SERINC5: variants seen among roughly 807,000 people sequenced by gnomAD.
The protein encoded by SERINC5 is chromosome 5 open reading frame 12.
Under a neutral mutation model 63.1 loss-of-function variants are expected in SERINC5, and 41 were observed. The observed-to-expected ratio is 0.65, with a 90% CI of 0.51 to 0.84. SERINC5 has a LOEUF of 0.84. Among genes scored for constraint, SERINC5 ranks in the 40% least tolerant of loss-of-function variants. The pLI, the probability that SERINC5 is intolerant of heterozygous loss-of-function variation, is 0.00. For missense variants in SERINC5, 523 were observed against 573.0 expected, an observed-to-expected ratio of 0.91 and a Z score of 0.89; for synonymous variants, 222 against 215.2, an observed-to-expected ratio of 1.03 and a Z score of -0.28.
At chr5:80,203,255 C>CATAT (rs753544120) in intron 1 of SERINC5, 91 of 328,638 alleles carry the variant, frequency 2.8e-4, no homozygotes, top group African/African-American at 1.3e-3. Flanking sequence ...AATATATATA[C>CATAT]ACATATATAT....
At chr5:80,137,751 G>A (rs193027738), downstream of SERINC5, among the ~76,000 whole-genome samples, 19 of 150,930 alleles carry the variant, frequency 1.3e-4, no homozygotes, top group Middle Eastern at 3.4e-3. Context: ...AGACCAACCC[G>A]TGCAACATAG....
intron 2 of SERINC5, among the ~76,000 whole-genome samples, 163 bp from the exon 3 acceptor site, chr5:80,178,227 C>T (rs1748170302): frequency 6.6e-6 from 1 of 152,146 alleles, no homozygotes; most frequent in Non-Finnish European, 1.5e-5. Flanking sequence ...TTCTAATTTT[C>T]TCTGAATCTT....
At position 80,211,003 on chromosome 5, in the gene SERINC5, G is replaced by A. The variant is rs58960287; in HGVS notation, c.28-7950C>T. ...ACCATCTGCCACAGGCATGGAAAGA[G>A]AGCATGGTGGCATCACACCACACTC... is the stretch of plus-strand genomic sequence containing the variant. On this transcript the variant is annotated intron_variant, in intron 1 of 11. Transcript: ENST00000507668. Among the ~76,000 whole-genome samples, 1,522 of 152,310 alleles carry A rather than the reference G, an allele frequency of 1.0e-2. 29 individuals carry two copies. Among genetic ancestry groups the A allele is most frequent in the African/African-American group, 0.034 (1,432 of 41,564 alleles).
At chr5:80,174,606 T>TA (rs569276706) in intron 5 of SERINC5, among the ~76,000 whole-genome samples, 82 of 151,646 alleles carry the variant, frequency 5.4e-4, no homozygotes, top group Middle Eastern at 3.4e-3. Flanking sequence ...AAGAGTCTGT[T>TA]AAAAAAACAC....
intron 1 of SERINC5, among the ~76,000 whole-genome samples, chr5:80,211,740 A>G (rs764349093): frequency 7.2e-5 from 11 of 152,192 alleles, no homozygotes; most frequent in Non-Finnish European, 1.5e-4. Flanking sequence ...GCATCACTCT[A>G]TTGCTGCATG....
rs1745456711 is a variant in SERINC5, at chr5:80,140,700, C to T, written c.*2963G>A. The T allele has an allele frequency of 1.4e-5, 14 of 985,134 alleles. No individual in the cohort carries two copies. The highest frequency in any genetic ancestry group is 1.7e-5 in the African/African-American group (1 of 57,148). 61.0% of individuals were successfully genotyped at this position (985,134 alleles called of 1,614,324 possible). Reference sequence around the variant, plus strand: ...TAGTCTCCAGTCAGGTAACATGCCGCGGTATGACACTCCCATAAGAACCCC... The same window carrying T: ...TAGTCTCCAGTCAGGTAACATGCCGTGGTATGACACTCCCATAAGAACCCC... On this transcript the variant is annotated 3_prime_UTR_variant, in exon 12 of 12. Coordinates refer to ENST00000507668, the MANE Select transcript of SERINC5 (RefSeq NM_001174072.3).
chr5:80,144,282 T>C (rs1017407131), intron 11 of SERINC5, among the ~76,000 whole-genome samples: 7 of 152,202 alleles, frequency 4.6e-5, no homozygotes, highest in African/African-American at 1.7e-4. Flanking sequence ...ATGTTTCCCC[T>C]TTTTGATTAT....
chr5:80,238,788 CAA>C (rs34850558), intron 1 of SERINC5, among the ~76,000 whole-genome samples: 45,380 of 98,038 alleles, frequency 0.46, 7,161 homozygotes, highest in Middle Eastern at 0.55. Context: ...GACTTCATCT[CAA>C]AAAAAAAAAA....
At chr5:80,171,731 C>CA (rs752198616) in intron 5 of SERINC5, among the ~76,000 whole-genome samples, 4 of 151,482 alleles carry the variant, frequency 2.6e-5, no homozygotes, top group African/African-American at 7.3e-5. Flanking sequence ...AAACAAAAAA[C>CA]AAACAAAAAA....
chr5:80,118,064 G>A (rs571948611), intron 11 of SERINC5, among the ~76,000 whole-genome samples: 11 of 152,164 alleles, frequency 7.2e-5, no homozygotes, highest in South Asian at 2.1e-4. Context: ...TTAGCCAGGC[G>A]TGGTGGCGGG....
chr5:80,251,535 G>T (rs926255925), intron 1 of SERINC5, among the ~76,000 whole-genome samples: 1 of 152,016 alleles, frequency 6.6e-6, no homozygotes, highest in Non-Finnish European at 1.5e-5. Flanking sequence ...TTCGAGACCA[G>T]CCTGGCCAAG....
intron 2 of SERINC5, among the ~76,000 whole-genome samples, chr5:80,180,632 G>A (rs1426191476): frequency 6.6e-6 from 1 of 152,172 alleles, no homozygotes; most frequent in Non-Finnish European, 1.5e-5. Flanking sequence ...TCTTTAAAGG[G>A]GAGAAGGCAT....
At chr5:80,208,652 A>G (rs148947142) in intron 1 of SERINC5, among the ~76,000 whole-genome samples, 123 of 152,308 alleles carry the variant, frequency 8.1e-4, no homozygotes, top group African/African-American at 2.8e-3. Context: ...CCTCCAAGGA[A>G]GTAACATTCA....
intron 6 of SERINC5, among the ~76,000 whole-genome samples, chr5:80,169,110 G>A (rs191640726): frequency 7.2e-5 from 11 of 152,220 alleles, no homozygotes; most frequent in Non-Finnish European, 5.9e-5. Flanking sequence ...CATTGACTTC[G>A]TTACGTTCAG....
At chr5:80,219,452 G>A (rs1352140549) in intron 1 of SERINC5, among the ~76,000 whole-genome samples, 2 of 152,154 alleles carry the variant, frequency 1.3e-5, no homozygotes, top group East Asian at 1.9e-4. Flanking sequence ...TCCACTTCTA[G>A]CTTGAAGTGG....
intron 2 of SERINC5, chr5:80,198,701 AC>A: frequency 1.0e-6 from 1 of 985,234 alleles, no homozygotes; most frequent in South Asian, 4.7e-5. Flanking sequence ...GCCCGCAAGC[AC>A]CCCCTGAGGA....
chr5:80,211,178 G>A (rs1393812172), intron 1 of SERINC5, among the ~76,000 whole-genome samples: 1 of 152,210 alleles, frequency 6.6e-6, no homozygotes, highest in Non-Finnish European at 1.5e-5. Flanking sequence ...GAACTAAAAA[G>A]TGGAGCAGCG....
intron 1 of SERINC5, among the ~76,000 whole-genome samples, chr5:80,211,070 A>G (rs375477347): frequency 1.3e-5 from 2 of 152,218 alleles, no homozygotes; most frequent in Non-Finnish European, 2.9e-5. Context: ...CTTAGCATCC[A>G]TAACTTCTTA....
intron 5 of SERINC5, among the ~76,000 whole-genome samples, chr5:80,171,019 A>T (rs536014159): frequency 1.3e-5 from 2 of 150,666 alleles, no homozygotes; most frequent in South Asian, 2.1e-4. Flanking sequence ...TTTTTATTTT[A>T]TTTTTTTTTG....
Sources: allele counts gnomAD v4.1 joint callset (sites outside exome capture counted in the v4.1 genomes callset), GRCh38; gene constraint gnomAD v4.1.1; transcripts MANE v1.5; gene names NCBI Gene and HGNC (gene_info 2026-07-23, HGNC 2026-07-21).